Variants in LGR5 observed in about 807,000 individuals in gnomAD.
LGR5 encodes the protein leucine rich repeat containing G protein-coupled receptor 5.
A neutral mutation model predicts 76.7 loss-of-function variants in LGR5; 54 were observed. That is an observed-to-expected ratio of 0.70 (90% CI 0.57 to 0.88). The LOEUF is 0.88. LGR5 is among the 40% of genes least tolerant of loss of function. The probability of loss-of-function intolerance (pLI) is 0.00; values close to 1 mark genes in which losing one functional copy is unlikely to be tolerated. For missense variants in LGR5, 1,078 were observed against 1,073.3 expected (o/e 1.00, Z -0.06); for synonymous variants, 406 against 421.9 (o/e 0.96, Z 0.46).
At chr12:71,446,473 T>A (rs1165241680) in intron 1 of LGR5, among the ~76,000 whole-genome samples, 1 of 152,210 alleles carries the variant, frequency 6.6e-6, no homozygotes, top group Non-Finnish European at 1.5e-5. Flanking sequence ...ACTCAGTCAA[T>A]ACCCCCCTTG....
At chr12:71,507,004 T>C (rs1874890800) in intron 2 of LGR5, among the ~76,000 whole-genome samples, 3 of 152,176 alleles carry the variant, frequency 2.0e-5, no homozygotes, top group African/African-American at 7.2e-5. Flanking sequence ...GGCTATACAA[T>C]CTTCAAAAAT....
chr12:71,460,502 C>T (rs1192115136), intron 1 of LGR5, among the ~76,000 whole-genome samples: 1 of 152,100 alleles, frequency 6.6e-6, no homozygotes, highest in Non-Finnish European at 1.5e-5. Flanking sequence ...CCATTTAACT[C>T]TTACTGATCT....
intron 4 of LGR5, among the ~76,000 whole-genome samples, chr12:71,538,946 A>G (rs1046638083): frequency 6.6e-6 from 1 of 152,228 alleles, no homozygotes; most frequent in African/African-American, 2.4e-5. Flanking sequence ...AAAATATAAA[A>G]GTCAGGCATT....
chr12:71,483,032 G>A (rs1377579692), intron 1 of LGR5, among the ~76,000 whole-genome samples: 1 of 152,070 alleles, frequency 6.6e-6, no homozygotes, highest in African/African-American at 2.4e-5. Flanking sequence ...AAATTTGTGG[G>A]CATCAAAGAG....
intron 8 of LGR5, among the ~76,000 whole-genome samples, chr12:71,563,127 C>A (rs1054828333): frequency 6.6e-6 from 1 of 152,064 alleles, no homozygotes; most frequent in Non-Finnish European, 1.5e-5. Flanking sequence ...GCGGCGCCAA[C>A]CCCAACTCTA....
chr12:71,535,236 A>C, intron 4 of LGR5, 50 bp downstream of exon 4: 1 of 1,262,724 alleles, frequency 7.9e-7, no homozygotes, highest in Admixed American at 1.7e-5. Flanking sequence ...TTTGGGAAGA[A>C]GCATTGAAAT....
intron 1 of LGR5, among the ~76,000 whole-genome samples, chr12:71,454,940 A>T (rs920352965): frequency 1.3e-5 from 2 of 152,182 alleles, no homozygotes; most frequent in Non-Finnish European, 2.9e-5. Context: ...GAACTGGGAA[A>T]TGATTATCAC....
chr12:71,505,822 A>G (rs1001190310), intron 2 of LGR5, among the ~76,000 whole-genome samples: 2 of 152,194 alleles, frequency 1.3e-5, no homozygotes, highest in Non-Finnish European at 2.9e-5. Flanking sequence ...AGGGAATCTT[A>G]GATTTCTAGA....
chr12:71,482,109 A>C (rs1019147431), intron 1 of LGR5, among the ~76,000 whole-genome samples: 2 of 152,190 alleles, frequency 1.3e-5, no homozygotes, highest in African/African-American at 4.8e-5. Context: ...AAGTCATTAG[A>C]AGTTTACTTT....
At chr12:71,456,678 GAAAAT>G (rs59897048) in intron 1 of LGR5, among the ~76,000 whole-genome samples, 10,259 of 152,118 alleles carry the variant, frequency 0.067, 393 homozygotes, top group Non-Finnish European at 0.087. Flanking sequence ...AATAAATAAA[GAAAAT>G]AAAACCTAGC....
intron 1 of LGR5, among the ~76,000 whole-genome samples, chr12:71,502,193 CTTTTTT>C (rs776486573): frequency 2.3e-3 from 286 of 123,160 alleles, no homozygotes; most frequent in Non-Finnish European, 4.1e-3. Flanking sequence ...AGGTACTTTC[CTTTTTT>C]TTTTTTTTTT....
intron 1 of LGR5, among the ~76,000 whole-genome samples, chr12:71,448,075 A>G (rs1461757752): frequency 7.5e-6 from 1 of 133,560 alleles, no homozygotes; most frequent in Admixed American, 7.5e-5. Flanking sequence ...TCTCCCTCAC[A>G]CACACACAAA....
chr12:71,550,529 C>T (rs1661803688), intron 4 of LGR5, among the ~76,000 whole-genome samples: 1 of 150,150 alleles, frequency 6.7e-6, no homozygotes, highest in Non-Finnish European at 1.5e-5. Context: ...GGCATGATCT[C>T]GGCTCACTGC....
chr12:71,525,841 T>G (rs1025027495), intron 3 of LGR5, among the ~76,000 whole-genome samples: 2 of 151,342 alleles, frequency 1.3e-5, no homozygotes, highest in Non-Finnish European at 2.9e-5. Flanking sequence ...TTACATATAA[T>G]TATAATTTTA....
rs781003874 is a variant in LGR5, at chr12:71,553,248, C to G, written c.604C>G (p.Pro202Ala). ...TLALNKIHHI[P>A]DYAFGNLSSL... ...GGCCCTGAACAAAATACACCACATACCAGACTATGCCTTTGGAAACCTCTC... is the reference window on the plus strand; with the variant it reads ...GGCCCTGAACAAAATACACCACATAGCAGACTATGCCTTTGGAAACCTCTC... Residue 202 changes from proline (P) to alanine (A), a missense_variant, in exon 5 of 18, where the codon CCA (proline) becomes GCA (alanine). By Grantham distance (27) the Pro-to-Ala change is conservative. Transcript: ENST00000266674. The G allele has an allele frequency of 6.2e-7, 1 of 1,613,834 alleles. No homozygotes were observed. The highest frequency in any genetic ancestry group is 8.5e-7 in the Non-Finnish European group (1 of 1,179,960).
chr12:71,584,520 A>C lies in LGR5; in HGVS notation c.2510A>C (p.Gln837Pro), dbSNP rs1464254807. 3 of 1,614,088 alleles carry C rather than the reference A, an allele frequency of 1.9e-6. No individual in the cohort carries two copies. The African/African-American group carries it at 4.0e-5, about 22-fold the overall frequency. The change falls in exon 18 of 18, where the codon CAA becomes CCA. Residue 837 changes from glutamine to proline, a missense_variant. Physicochemically the swap from Gln to Pro is moderately conservative, Grantham distance 76. Coordinates refer to ENST00000266674, the MANE Select transcript of LGR5 (RefSeq NM_003667.4). ...GAGGATCTGGTGAGCCTGAGAAAGC[A>C]AACCTACGTCTGGACAAGATCAAAA... Reference protein sequence around the residue: ...FKEDLVSLRKQTYVWTRSKHP... With the variant: ...FKEDLVSLRKPTYVWTRSKHP...
In LGR5 at chr12:71,546,403, CA is replaced by C. The variant is rs1392010671; in HGVS notation, c.429-6669del. On this transcript the variant is annotated intron_variant, in intron 4 of 17. Coordinates refer to ENST00000266674, the MANE Select transcript of LGR5 (RefSeq NM_003667.4). ...CACATTGATATGACAGAACCGCATT[CA>C]CAGTGAACATGGAGTTATGTTTTAT... Among the ~76,000 whole-genome samples the C allele has an allele frequency of 2.0e-5, 3 of 152,158 alleles. No homozygotes were observed. In the East Asian group the frequency reaches 5.8e-4, roughly 29 times the overall value.
rs796316781 is a variant in LGR5 at position 71,575,720 on chromosome 12, ATATGTG to A, written c.1209-2203_1209-2198del. ...AGTGAGACTCCATCTCAAAAAATAT[ATATGTG>A]TGTGTGTGTGTGTGTGTGTGTGTGT... On this transcript the variant is annotated intron_variant, in intron 13 of 17. Transcript: ENST00000266674. 1.2e-3 allele frequency among the ~76,000 whole-genome samples: 147 copies of A among 122,816 alleles called. 1 individual carries two copies. In the South Asian group the frequency reaches 0.021, roughly 17 times the overall value. The allele number at this position is 122,816 out of a possible 152,430, so 80.6% of individuals were successfully genotyped here. A position where few individuals can be genotyped will look rare whatever the true frequency, so the allele number is the denominator to read the frequency against.
At chr12:71,500,020 TA>T (rs1375508632) in intron 1 of LGR5, among the ~76,000 whole-genome samples, 1 of 152,006 alleles carries the variant, frequency 6.6e-6, no homozygotes, top group Non-Finnish European at 1.5e-5. Flanking sequence ...GCGAACTCTG[TA>T]GTACAATTAA....
Sources: allele counts gnomAD v4.1 joint callset (sites outside exome capture counted in the v4.1 genomes callset), GRCh38; gene constraint gnomAD v4.1.1; transcripts MANE v1.5; gene names NCBI Gene and HGNC (gene_info 2026-07-23, HGNC 2026-07-21).